Variants in NDUFS4 observed in about 807,000 individuals in gnomAD.
NDUFS4 encodes NADH dehydrogenase [ubiquinone] iron-sulfur protein 4, mitochondrial.
NDUFS4 carries 28 observed loss-of-function variants against 24.3 expected under a neutral mutation model. The observed-to-expected ratio is 1.15, with a 90% CI of 0.85 to 1.58. The LOEUF (loss-of-function observed/expected upper bound fraction) is 1.58. Ranked by LOEUF, NDUFS4 falls within the 40% of genes most tolerant of loss-of-function variation. The probability of loss-of-function intolerance (pLI) is 0.00; values close to 1 mark genes in which losing one functional copy is unlikely to be tolerated. For missense variants in NDUFS4, 223 were observed against 207.9 expected, an observed-to-expected ratio of 1.07 and a Z score of -0.45; for synonymous variants, 93 against 69.7, an observed-to-expected ratio of 1.34 and a Z score of -1.67.
intron 4 of NDUFS4, among the ~76,000 whole-genome samples, chr5:53,676,883 T>G (rs1740490269): frequency 6.6e-6 from 1 of 152,194 alleles, no homozygotes; most frequent in Non-Finnish European, 1.5e-5. Context: ...TCCCAATGTT[T>G]AATCCTGGAT....
intron 1 of NDUFS4, among the ~76,000 whole-genome samples, chr5:53,571,225 G>A (rs1749200972): frequency 6.6e-6 from 1 of 152,052 alleles, no homozygotes; most frequent in South Asian, 2.1e-4. Context: ...CCTAGATAAC[G>A]ACTAACCTTC....
At chr5:53,668,736 C>T (rs574859826) in intron 4 of NDUFS4, among the ~76,000 whole-genome samples, 3 of 151,544 alleles carry the variant, frequency 2.0e-5, no homozygotes, top group African/African-American at 7.3e-5. Flanking sequence ...GCTGCAATTA[C>T]AGGTGTAAGC....
rs543282795 is a variant in NDUFS4, at chr5:53,615,514, A to G, written c.177+11984A>G. ...CTTCTATTCTACTCTTCAAAATACC[A>G]CCTGCAAGCATGTGAGATATTCATG... is the stretch of plus-strand genomic sequence containing the variant. On this transcript the variant is annotated intron_variant, in intron 2 of 4. Coordinates refer to ENST00000296684, the MANE Select transcript of NDUFS4 (RefSeq NM_002495.4). Among the ~76,000 whole-genome samples the G allele has an allele frequency of 3.3e-5, 5 of 152,150 alleles. No homozygotes were observed. In the East Asian group the frequency reaches 9.7e-4, roughly 29 times the overall value.
Position 53,605,356 on chromosome 5 carries a change from T to G in NDUFS4, c.177+1826T>G, listed in dbSNP as rs117256852. 3.9e-4 allele frequency among the ~76,000 whole-genome samples: 60 copies of G among 152,254 alleles called. 1 individual carries two copies. The East Asian group carries it at 0.011, about 27-fold the overall frequency. On this transcript the variant is annotated intron_variant, in intron 2 of 4. Coordinates refer to ENST00000296684, the MANE Select transcript of NDUFS4 (RefSeq NM_002495.4). ...GCATCTTTTTTTAACTCTCAGGAGGTTGCCTTTTCTATAAAGTTTTCAAAT... is the reference window on the plus strand; with the variant it reads ...GCATCTTTTTTTAACTCTCAGGAGGGTGCCTTTTCTATAAAGTTTTCAAAT...
chr5:53,647,868 G>C (rs549696169), intron 3 of NDUFS4, among the ~76,000 whole-genome samples: 1 of 152,026 alleles, frequency 6.6e-6, no homozygotes, highest in East Asian at 1.9e-4. Context: ...AGTTTAAATA[G>C]AATTATATTT....
intron 1 of NDUFS4, among the ~76,000 whole-genome samples, chr5:53,571,927 T>A (rs1749221883): frequency 1.3e-5 from 2 of 152,214 alleles, no homozygotes; most frequent in African/African-American, 4.8e-5. Context: ...TGGATACAAA[T>A]TCTTTGTCAT....
chr5:53,564,766 G>A (rs866076256), intron 1 of NDUFS4, among the ~76,000 whole-genome samples: 5 of 152,162 alleles, frequency 3.3e-5, no homozygotes, highest in Non-Finnish European at 7.4e-5. Flanking sequence ...CTGACCCCAA[G>A]TGATCCGTGT....
intron 1 of NDUFS4, among the ~76,000 whole-genome samples, chr5:53,594,541 C>T (rs1398805588): frequency 6.6e-6 from 1 of 151,832 alleles, no homozygotes; most frequent in Non-Finnish European, 1.5e-5. Flanking sequence ...TTATTGATAT[C>T]ATTAATATTA....
chr5:53,658,709 T>A (rs1004552742), intron 4 of NDUFS4, 85 bp downstream of exon 4: 53 of 1,222,066 alleles, frequency 4.3e-5, no homozygotes, highest in Non-Finnish European at 5.9e-5. Context: ...ATACAGAATT[T>A]GAGTTGGAAT....
chr5:53,611,276 G>A (rs2112466982), intron 2 of NDUFS4, among the ~76,000 whole-genome samples: 1 of 150,096 alleles, frequency 6.7e-6, no homozygotes, highest in African/African-American at 2.4e-5. Context: ...GGCATAAAAT[G>A]TAGAAAGGAA....
chr5:53,623,228 C>T (rs898684940), intron 2 of NDUFS4, among the ~76,000 whole-genome samples: 3 of 152,202 alleles, frequency 2.0e-5, no homozygotes, highest in Admixed American at 2.0e-4. Flanking sequence ...ATTTTACATT[C>T]CCACAGCAAT....
At chr5:53,651,453 C>A (rs929158649) in intron 3 of NDUFS4, among the ~76,000 whole-genome samples, 2 of 151,612 alleles carry the variant, frequency 1.3e-5, no homozygotes, top group African/African-American at 4.8e-5. Context: ...ATGAGTTGAC[C>A]ATAGTTTGGG....
chr5:53,627,295 A>T (rs1751259732), intron 2 of NDUFS4, among the ~76,000 whole-genome samples: 1 of 152,176 alleles, frequency 6.6e-6, no homozygotes, highest in Non-Finnish European at 1.5e-5. Context: ...CTTGTTGTAT[A>T]GTTAAAAGTC....
chr5:53,651,806 C>G (rs895614361), intron 3 of NDUFS4, among the ~76,000 whole-genome samples: 4 of 142,466 alleles, frequency 2.8e-5, no homozygotes, highest in Non-Finnish European at 6.0e-5. Flanking sequence ...TGGAGTCTCA[C>G]TCTGTCGCTC....
chr5:53,619,120 T>TAAC lies in NDUFS4; in HGVS notation c.177+15592_177+15593insCAA, dbSNP rs148675380. On this transcript the variant is annotated intron_variant, in intron 2 of 4. Transcript: ENST00000296684. ...CCGAGTGAGACTGTCTCCAAAATAA[T>TAAC]AATAATAATAATAATAATAATTACT... 2.2e-3 allele frequency among the ~76,000 whole-genome samples: 328 copies of TAAC among 147,116 alleles called. 1 individual carries two copies. Among genetic ancestry groups the TAAC allele is most frequent in the Non-Finnish European group, 3.3e-3 (219 of 66,702 alleles).
intron 2 of NDUFS4, among the ~76,000 whole-genome samples, chr5:53,617,270 C>T (rs992859098): frequency 3.3e-5 from 5 of 152,060 alleles, no homozygotes; most frequent in East Asian, 1.9e-4. Context: ...CCTCTCCTTT[C>T]CCCCCTCTTA....
chr5:53,571,742 C>A (rs1749217219), intron 1 of NDUFS4, among the ~76,000 whole-genome samples: 1 of 152,052 alleles, frequency 6.6e-6, no homozygotes, highest in African/African-American at 2.4e-5. Context: ...TAAGGTGGTA[C>A]CTCATTCTGG....
chr5:53,681,426 C>A (rs1008849100), intron 4 of NDUFS4, among the ~76,000 whole-genome samples: 22 of 152,210 alleles, frequency 1.4e-4, no homozygotes, highest in African/African-American at 5.1e-4. Flanking sequence ...TTATCACATC[C>A]TTATGAAGTA....
At chr5:53,609,194 C>G (rs1252296705) in intron 2 of NDUFS4, among the ~76,000 whole-genome samples, 3 of 152,128 alleles carry the variant, frequency 2.0e-5, no homozygotes, top group Non-Finnish European at 4.4e-5. Context: ...TTGTTCAGAT[C>G]CATCAGAGGA....
Sources: allele counts gnomAD v4.1 joint callset (sites outside exome capture counted in the v4.1 genomes callset), GRCh38; gene constraint gnomAD v4.1.1; transcripts MANE v1.5; gene names NCBI Gene and HGNC (gene_info 2026-07-23, HGNC 2026-07-21).